Variants in LOXL4 observed in about 807,000 individuals in gnomAD.
The protein encoded by LOXL4 is lysyl oxidase homolog 4.
Under a neutral mutation model 89.1 loss-of-function variants are expected in LOXL4, and 72 were observed. The ratio of observed to expected loss-of-function variants is 0.81; its 90% CI spans 0.67 to 0.98. The LOEUF (loss-of-function observed/expected upper bound fraction) is 0.98. Among genes scored for constraint, LOXL4 ranks in the 50% least tolerant of loss-of-function variants. LOXL4 has a pLI of 0.00. For synonymous variants in LOXL4, 355 were observed against 392.1 expected (o/e 0.91, Z 1.12); for missense variants, 984 against 1,017.5 (o/e 0.97, Z 0.45).
chr10:98,266,201 T>A (rs577903110), intron 1 of LOXL4, among the ~76,000 whole-genome samples: 4 of 152,308 alleles, frequency 2.6e-5, no homozygotes, highest in East Asian at 3.9e-4. Flanking sequence ...TAGGACCCAG[T>A]GGTCACATGG....
intron 4 of LOXL4, 92 bp downstream of exon 4, chr10:98,260,830 C>A: frequency 7.5e-7 from 1 of 1,333,624 alleles, no homozygotes; most frequent in Non-Finnish European, 1.0e-6. Context: ...CTCATGCACA[C>A]ACCCTACATC....
intron 1 of LOXL4, among the ~76,000 whole-genome samples, chr10:98,267,034 G>C (rs7090035): frequency 0.44 from 66,626 of 152,006 alleles, 15,359 homozygotes; most frequent in East Asian, 0.74. Flanking sequence ...AAAGAGGAGG[G>C]GAGGGAAGTG....
intron 9 of LOXL4, chr10:98,255,975 A>G (rs1258540042): frequency 6.4e-6 from 3 of 470,718 alleles, no homozygotes; most frequent in Non-Finnish European, 1.1e-5. Context: ...CGTGGCTTCC[A>G]CTACTGGCCC....
Position 98,258,076 on chromosome 10 carries a change from T to G in LOXL4, c.1010A>C (p.Asp337Ala). Residue 337 changes from aspartate (D) to alanine (A), a missense_variant, in exon 7 of 15, where the codon GAC becomes GCC. Transcript: ENST00000260702. ...LMNRQWGTVC[D>A]HRWNLISASV... The stretch of plus-strand genomic sequence containing the variant: ...GGCAGAGATGAGGTTCCACCTGTGG[T>G]CACAGACCGTGCCCCACTGGCGGTT... 6.2e-7 allele frequency: 1 copy of G among 1,613,726 alleles called. No individual in the cohort carries two copies. The highest frequency in any genetic ancestry group is 2.2e-5 in the East Asian group (1 of 44,880).
chr10:98,256,922 G>A lies in LOXL4; in HGVS notation c.1286C>T (p.Pro429Leu), dbSNP rs752459297. The A allele has an allele frequency of 6.2e-7, 1 of 1,614,106 alleles. No individual in the cohort carries two copies. Among genetic ancestry groups the A allele is most frequent in the Non-Finnish European group, 8.5e-7 (1 of 1,180,008 alleles). Residue 429 changes from proline to leucine, a missense_variant, in exon 9 of 15, where the codon CCT (proline) becomes CTT (leucine). By Grantham distance (98) the Pro-to-Leu change is moderately conservative. Coordinates refer to ENST00000260702, the MANE Select transcript of LOXL4 (RefSeq NM_032211.7). The part of the protein sequence containing the change: ...NQVRLAGGRI[P>L]EEGLLEVQVE... Reference sequence around the variant, plus strand: ...CTGCACCTCCAATAGCCCCTCCTCAGGGATACGCCCACCAGCCAAGCGCAC... The same window carrying A: ...CTGCACCTCCAATAGCCCCTCCTCAAGGATACGCCCACCAGCCAAGCGCAC...
At chr10:98,267,705 C>A (rs939292706) in intron 1 of LOXL4, among the ~76,000 whole-genome samples, 2 of 152,140 alleles carry the variant, frequency 1.3e-5, no homozygotes, top group Admixed American at 6.5e-5. Flanking sequence ...CACGCCGACC[C>A]CCCAACATAA....
chr10:98,259,128 C>G lies in LOXL4; in HGVS notation c.802G>C (p.Ala268Pro). The change falls in exon 6 of 15, where the codon GCC (alanine) becomes CCC (proline). Residue 268 changes from alanine (A) to proline (P), a missense_variant. Coordinates refer to ENST00000260702, the MANE Select transcript of LOXL4 (RefSeq NM_032211.7). Reference sequence around the variant, plus strand: ...CAGGCTGGCCGCAGCTTGCCCCGGGCTGGAGCCACCTGCACCTGGCAGTTG... The same window carrying G: ...CAGGCTGGCCGCAGCTTGCCCCGGGGTGGAGCCACCTGCACCTGGCAGTTG... ...MANCQVQVAP[A>P]RGKLRPACPG... The G allele has an allele frequency of 6.2e-7, 1 of 1,610,378 alleles. No individual in the cohort carries two copies. The highest frequency in any genetic ancestry group is 8.5e-7 in the Non-Finnish European group (1 of 1,178,994).
chr10:98,263,965 T>C (rs2135846516), intron 1 of LOXL4, among the ~76,000 whole-genome samples: 1 of 152,040 alleles, frequency 6.6e-6, no homozygotes, highest in African/African-American at 2.4e-5. Context: ...ACTCCTGACC[T>C]CGTGATCCAT....
intron 9 of LOXL4, 27 bp downstream of exon 9, chr10:98,256,753 T>C: frequency 6.2e-7 from 1 of 1,613,522 alleles, no homozygotes; most frequent in Non-Finnish European, 8.5e-7. Context: ...TGAGAGGTCA[T>C]ACGGAAGAAA....
chr10:98,255,637 C>G lies in LOXL4; in HGVS notation c.1531G>C (p.Gly511Arg). The change falls in exon 10 of 15, where the codon GGG (glycine) becomes CGG (arginine). Residue 511 changes from glycine to arginine, a missense_variant. Transcript: ENST00000260702. ...ELALQQCQRH[G>R]PVHCSHGGGR... ...CCACCGTGGGAGCAGTGCACCGGCC[C>G]GTGCCTCTGGCACTGCTGCAGGGCC... 2 of 1,613,498 alleles carry G rather than the reference C, an allele frequency of 1.2e-6. No individual in the cohort carries two copies. Among genetic ancestry groups the G allele is most frequent in the Non-Finnish European group, 1.7e-6 (2 of 1,179,574 alleles).
At position 98,257,662 on chromosome 10, in the gene LOXL4, GC is replaced by G. The variant is rs1474056909; in HGVS notation, c.1247del (p.Gly416AlafsTer25). The G allele has an allele frequency of 1.9e-6, 3 of 1,613,520 alleles. No individual in the cohort carries two copies. The highest frequency in any genetic ancestry group is 2.5e-6 in the Non-Finnish European group (3 of 1,179,794). On this transcript the variant is annotated frameshift_variant, in exon 8 of 15. Transcript: ENST00000260702. LOFTEE classifies it high-confidence loss of function. ...GACCCAAACTCACCTGATTCTGAAA[GC>G]CCATGTTAGGGACATTGCACCTGAC... ...AAVRCNVPNM[G>X]FQNQVRLAGG...
intron 4 of LOXL4, among the ~76,000 whole-genome samples, chr10:98,259,663 G>T (rs1858484477): frequency 6.6e-6 from 1 of 152,220 alleles, no homozygotes; most frequent in Non-Finnish European, 1.5e-5. Flanking sequence ...TAGAGTGGGG[G>T]CAGGTGGATC....
Position 98,255,901 on chromosome 10 carries a change from G to T in LOXL4, c.1429-162C>A, listed in dbSNP as rs1326331346. The T allele has an allele frequency of 4.2e-6, 3 of 714,604 alleles. No individual in the cohort carries two copies. In the South Asian group the frequency reaches 6.2e-5, roughly 15 times the overall value. The allele number at this position is 714,604 out of a possible 1,614,324, so 44.3% of individuals were successfully genotyped here. A position where few individuals can be genotyped will look rare whatever the true frequency, so the allele number is the denominator to read the frequency against. On this transcript the variant is annotated intron_variant, in intron 9 of 14. Coordinates refer to ENST00000260702, the MANE Select transcript of LOXL4 (RefSeq NM_032211.7). ...ACCCGAATTCCCTGGGGCAGTCCATGACACATTTGGACCCTTCTGATGTTA... is the reference window on the plus strand; with the variant it reads ...ACCCGAATTCCCTGGGGCAGTCCATTACACATTTGGACCCTTCTGATGTTA...
At chr10:98,261,228 G>A (rs1458909714) in intron 3 of LOXL4, 101 bp from the exon 4 acceptor site, 7 of 1,263,598 alleles carry the variant, frequency 5.5e-6, no homozygotes, top group East Asian at 2.5e-5. Context: ...GGAGCTTTTC[G>A]AGACCATCCC....
chr10:98,253,598 C>T lies in LOXL4; in HGVS notation c.1790G>A (p.Arg597His), dbSNP rs372637990. 4.2e-5 allele frequency: 68 copies of T among 1,614,120 alleles called. No individual in the cohort carries two copies. The highest frequency in any genetic ancestry group is 4.4e-5 in the South Asian group (4 of 91,094). Residue 597 changes from arginine to histidine, a missense_variant, in exon 11 of 15, where the codon CGT (arginine) becomes CAT (histidine). By Grantham distance (29) the Arg-to-His change is conservative. Transcript: ENST00000260702. ...CCAGCTATCGCGTCCAGTCTTTGGA[C>T]GAAAGTCAGTCCGGCCCAGATTGTA... ...QIYNLGRTDF[R>H]PKTGRDSWVW...
intron 14 of LOXL4, among the ~76,000 whole-genome samples, chr10:98,250,125 G>T (rs1035588625): frequency 6.6e-6 from 1 of 152,210 alleles, no homozygotes. Context: ...CTGTCCTCCA[G>T]CTAGAAAGTG....
At chr10:98,266,257 T>G (rs900203922) in intron 1 of LOXL4, among the ~76,000 whole-genome samples, 1 of 151,932 alleles carries the variant, frequency 6.6e-6, no homozygotes, top group Non-Finnish European at 1.5e-5. Context: ...CCCCCAGGAG[T>G]TGGAATGCTT....
rs778998727 is a variant in LOXL4, at chr10:98,253,649, C to T, written c.1739G>A (p.Arg580His). The change falls in exon 11 of 15, where the codon CGC (arginine) becomes CAC (histidine). Residue 580 changes from arginine to histidine, a missense_variant. By Grantham distance (29) the Arg-to-His change is conservative (BLOSUM62 0). Coordinates refer to ENST00000260702, the MANE Select transcript of LOXL4 (RefSeq NM_032211.7). ...DHMDWPYGYR[R>H]LLRFSTQIYN... is the part of the protein sequence containing the mutation. ...GATCTGTGTGGAGAAGCGCAATAGGCGGCGGTATCCGTAGGGCCAGTCCAT... is the reference window on the plus strand; with the variant it reads ...GATCTGTGTGGAGAAGCGCAATAGGTGGCGGTATCCGTAGGGCCAGTCCAT... The T allele has an allele frequency of 9.3e-6, 15 of 1,614,046 alleles. No individual in the cohort carries two copies. Among genetic ancestry groups the T allele is most frequent in the African/African-American group, 8.0e-5 (6 of 74,904 alleles).
At chr10:98,260,854 T>C in intron 4 of LOXL4, 68 bp downstream of exon 4, 1 of 1,493,208 alleles carries the variant, frequency 6.7e-7, no homozygotes, top group Non-Finnish European at 9.1e-7. Flanking sequence ...TGCACGCACA[T>C]GAACACACAC....
Sources: gnomAD v4.1 joint callset for allele counts (sites outside exome capture counted in the v4.1 genomes callset) on GRCh38, gnomAD v4.1.1 for gene constraint, MANE v1.5 for transcripts, NCBI Gene and HGNC (gene_info 2026-07-23, HGNC 2026-07-21) for gene names.